The following CACNA2D1 variants were observed in gnomAD, a reference collection of about 807,000 sequenced individuals.
CACNA2D1 encodes voltage-dependent calcium channel subunit alpha-2/delta-1.
A neutral mutation model predicts 171.5 loss-of-function variants in CACNA2D1; 53 were observed. The observed-to-expected ratio is 0.31, with a 90% confidence interval of 0.25 to 0.39. The LOEUF is 0.39. CACNA2D1 is among the 10% of genes least tolerant of loss of function. The pLI, the probability that CACNA2D1 is intolerant of heterozygous loss-of-function variation, is 1.00. For missense variants in CACNA2D1, 903 were observed against 1,299.8 expected (o/e 0.69, Z 4.69); for synonymous variants, 442 against 443.1 (o/e 1.00, Z 0.03).
intron 21 of CACNA2D1, among the ~76,000 whole-genome samples, chr7:81,987,836 A>G (rs1390155501): frequency 6.6e-6 from 1 of 152,182 alleles, no homozygotes; most frequent in African/African-American, 2.4e-5. Context: ...GGCAGAAATG[A>G]CAGGACAGAT....
chr7:81,983,405 A>G lies in CACNA2D1; in HGVS notation c.1874-71T>C. The G allele has an allele frequency of 3.6e-6, 4 of 1,118,008 alleles. No homozygotes were observed. The South Asian group carries it at 5.2e-5, about 15-fold the overall frequency. The allele number at this position is 1,118,008 out of a possible 1,614,324, so 69.3% of individuals were successfully genotyped here. A position where few individuals can be genotyped will look rare whatever the true frequency, so the allele number is the denominator to read the frequency against. The stretch of plus-strand genomic sequence containing the variant: ...AGAGGGTAAAGCAAAGGGGGTCATA[A>G]ACAATATTTTATTCAATGACTTTCT... On this transcript the variant is annotated intron_variant, in intron 22 of 38. Coordinates refer to ENST00000356860, the MANE Select transcript of CACNA2D1 (RefSeq NM_000722.4).
At chr7:82,404,378 G>A (rs1330671123) in intron 1 of CACNA2D1, among the ~76,000 whole-genome samples, 1 of 152,182 alleles carries the variant, frequency 6.6e-6, no homozygotes, top group Non-Finnish European at 1.5e-5. Flanking sequence ...GATGCTAGAT[G>A]AACCCTTTCT....
At chr7:82,312,641 C>T (rs12535508) in intron 3 of CACNA2D1, among the ~76,000 whole-genome samples, 26,830 of 151,388 alleles carry the variant, frequency 0.18, 2,422 homozygotes, top group South Asian at 0.28. Flanking sequence ...CTCAGCCTCT[C>T]GAGTAGCTAA....
At chr7:82,130,978 T>C (rs1340865142) in intron 5 of CACNA2D1, among the ~76,000 whole-genome samples, 2 of 151,852 alleles carry the variant, frequency 1.3e-5, no homozygotes, top group African/African-American at 2.4e-5. Flanking sequence ...TAAAAAAATA[T>C]TTTTTAGTAG....
At chr7:82,432,791 T>G (rs759617195) in intron 1 of CACNA2D1, among the ~76,000 whole-genome samples, 1 of 152,228 alleles carries the variant, frequency 6.6e-6, no homozygotes. Context: ...GAATAAGTAA[T>G]GCTCAATTGC....
At chr7:82,339,729 G>A (rs1818392259) in intron 2 of CACNA2D1, among the ~76,000 whole-genome samples, 1 of 152,166 alleles carries the variant, frequency 6.6e-6, no homozygotes, top group Admixed American at 6.5e-5. Context: ...CTAGTGGGAG[G>A]AAAACAGTAT....
Position 82,425,329 on chromosome 7 carries a change from C to T in CACNA2D1, c.95+18036G>A, listed in dbSNP as rs549027791. On this transcript the variant is annotated intron_variant, in intron 1 of 38. Transcript: ENST00000356860. ...AAGAGGAGCAGGAAGTAGCCCCATA[C>T]GGGAATGCAGTCCAGGCAACACCTT... Among the ~76,000 whole-genome samples the T allele has an allele frequency of 8.3e-4, 127 of 152,178 alleles. 12 individuals carry two copies. The highest frequency in any genetic ancestry group is 2.5e-4 in the Non-Finnish European group (17 of 68,002).
chr7:82,433,952 T>A (rs1829916544), intron 1 of CACNA2D1, among the ~76,000 whole-genome samples: 1 of 152,198 alleles, frequency 6.6e-6, no homozygotes, highest in African/African-American at 2.4e-5. Flanking sequence ...CTGGCCCACA[T>A]TCAGACTGTC....
intron 3 of CACNA2D1, among the ~76,000 whole-genome samples, chr7:82,295,444 C>T (rs556651760): frequency 6.6e-6 from 1 of 152,030 alleles, no homozygotes; most frequent in East Asian, 1.9e-4. Context: ...TCCAGCGATC[C>T]TCCTGCCTCA....
At chr7:82,369,178 T>C (rs1233564052) in intron 1 of CACNA2D1, among the ~76,000 whole-genome samples, 1 of 152,102 alleles carries the variant, frequency 6.6e-6, no homozygotes, top group Non-Finnish European at 1.5e-5. Context: ...TCATAGTAAT[T>C]ATTTATTTAT....
rs749515316 is a variant in CACNA2D1, at chr7:82,120,282, TTTTCAAA to T, written c.397-3116_397-3110del. ...TCCAATATGTATGTATGTACGTATA[TTTTCAAA>T]TTTCAATCTCTAAATACATCCTGGT... is the stretch of plus-strand genomic sequence containing the variant. On this transcript the variant is annotated intron_variant, in intron 5 of 38. Transcript: ENST00000356860. Among the ~76,000 whole-genome samples the T allele has an allele frequency of 2.5e-4, 38 of 152,198 alleles. 1 individual carries two copies. The highest frequency in any genetic ancestry group is 4.0e-4 in the Non-Finnish European group (27 of 68,042).
chr7:82,148,949 T>C (rs1793470236), intron 4 of CACNA2D1, among the ~76,000 whole-genome samples: 1 of 152,168 alleles, frequency 6.6e-6, no homozygotes, highest in South Asian at 2.1e-4. Flanking sequence ...ACACCCTTCT[T>C]AATGCCTCTC....
chr7:81,967,618 G>T lies in CACNA2D1; in HGVS notation c.2441C>A (p.Thr814Asn). Residue 814 changes from threonine to asparagine, a missense_variant, in exon 30 of 39, where the codon ACC becomes AAC. Thr to Asn is a moderately conservative substitution (Grantham distance 65). Around this residue, in one of 5 missense-constraint regions of CACNA2D1, gnomAD observed 623 missense variants for 925.5 expected, o/e 0.67. Transcript: ENST00000356860. ...IDVNSWIENF[T>N]KTSIRDPCAG... ...TACCGGATCTCTGATTGAGGTTTTG[G>T]TGAAATTCTCTATCCAGGAATTTAC... The T allele has an allele frequency of 6.6e-7, 1 of 1,515,334 alleles. No homozygotes were observed. Among genetic ancestry groups the T allele is most frequent in the Non-Finnish European group, 9.1e-7 (1 of 1,096,676 alleles). 93.9% of individuals were successfully genotyped at this position (1,515,334 alleles called of 1,614,324 possible). A position where few individuals can be genotyped will look rare whatever the true frequency, so the allele number is the denominator to read the frequency against.
chr7:82,252,541 T>TA (rs1805768969), intron 3 of CACNA2D1, among the ~76,000 whole-genome samples: 1 of 152,202 alleles, frequency 6.6e-6, no homozygotes, highest in African/African-American at 2.4e-5. Flanking sequence ...TAGTAGGTGT[T>TA]ACACTACTAG....
chr7:81,959,651 C>A, intron 37 of CACNA2D1, 69 bp downstream of exon 37: 1 of 1,469,386 alleles, frequency 6.8e-7, no homozygotes, highest in South Asian at 1.2e-5. Flanking sequence ...TGAATATAAA[C>A]AATGTGACAA....
intron 3 of CACNA2D1, among the ~76,000 whole-genome samples, chr7:82,259,980 T>C (rs755168908): frequency 6.6e-6 from 1 of 152,214 alleles, no homozygotes; most frequent in Non-Finnish European, 1.5e-5. Flanking sequence ...CCCAACACTT[T>C]GGGAGGCTGA....
chr7:82,270,369 CTT>C (rs1808459085), intron 3 of CACNA2D1, among the ~76,000 whole-genome samples: 2 of 152,204 alleles, frequency 1.3e-5, no homozygotes, highest in South Asian at 4.1e-4. Flanking sequence ...CATCTGGGCT[CTT>C]TGGCTCATCA....
intron 3 of CACNA2D1, among the ~76,000 whole-genome samples, chr7:82,321,603 G>C (rs1452113582): frequency 6.6e-6 from 1 of 151,988 alleles, no homozygotes; most frequent in Non-Finnish European, 1.5e-5. Flanking sequence ...ACAATGTCTG[G>C]CAATAAAGAT....
At chr7:81,991,962 G>A (rs1797584284) in intron 20 of CACNA2D1, among the ~76,000 whole-genome samples, 1 of 150,574 alleles carries the variant, frequency 6.6e-6, no homozygotes, top group South Asian at 2.1e-4. Context: ...AGCCTTCCCA[G>A]TAGCTGGGAC....
Sources: gnomAD v4.1 joint callset for allele counts (sites outside exome capture counted in the v4.1 genomes callset) on GRCh38, gnomAD v4.1.1 for gene constraint, gnomAD v4.1.1 regional missense constraint, MANE v1.5 for transcripts, NCBI Gene and HGNC (gene_info 2026-07-23, HGNC 2026-07-21) for gene names.